RNASET2: variants seen among roughly 807,000 people sequenced by gnomAD.
The protein encoded by RNASET2 is ribonuclease 6.
RNASET2 carries 28 observed loss-of-function variants against 33.9 expected under a neutral mutation model. The ratio of observed to expected loss-of-function variants is 0.83; its 90% CI spans 0.61 to 1.13. The LOEUF is 1.13. Ranked by LOEUF, RNASET2 falls within the 50% of genes most tolerant of loss-of-function variation. The pLI is 0.00. For synonymous variants in RNASET2, 123 were observed against 121.0 expected, an observed-to-expected ratio of 1.02 and a Z score of -0.11; for missense variants, 330 against 319.9, an observed-to-expected ratio of 1.03 and a Z score of -0.24.
In RNASET2 at chr6:166,929,189, T is replaced by C. The variant is rs773754147; in HGVS notation, c.*399A>G. Among the ~76,000 whole-genome samples the C allele has an allele frequency of 2.6e-5, 4 of 152,278 alleles. No homozygotes were observed. The South Asian group carries it at 8.3e-4, about 32-fold the overall frequency. On this transcript the variant is annotated 3_prime_UTR_variant, in exon 9 of 9. Coordinates refer to ENST00000508775, the MANE Select transcript of RNASET2 (RefSeq NM_003730.6). ...CAGGCATCAGCGTGGGCTCCTGCCA[T>C]GCGTGGAGCTCTTCGTCTTGACAGG...
Position 166,955,468 on chromosome 6 carries a change from CAAAA to C in RNASET2, c.86+625_86+628del, listed in dbSNP as rs1253465584. 6 of 986,634 alleles carry C rather than the reference CAAAA, an allele frequency of 6.1e-6. No homozygotes were observed. In the Admixed American group the frequency reaches 2.4e-4, roughly 40 times the overall value. The allele number at this position is 986,634 out of a possible 1,614,324, so 61.1% of individuals were successfully genotyped here. A position where few individuals can be genotyped will look rare whatever the true frequency, so the allele number is the denominator to read the frequency against. On this transcript the variant is annotated intron_variant, in intron 1 of 8. Transcript: ENST00000508775. Reference sequence around the variant, plus strand: ...GGGAAGGGATTCAGAACAGGATACTCAAAAAGAGGAAGAACCGTCGTTTCACCAC... The same window carrying C: ...GGGAAGGGATTCAGAACAGGATACTCAGAGGAAGAACCGTCGTTTCACCAC...
chr6:166,943,859 C>T (rs780014785), intron 4 of RNASET2: 20 of 414,542 alleles, frequency 4.8e-5, no homozygotes, highest in Middle Eastern at 4.3e-4. Flanking sequence ...CGGTGGCTCA[C>T]GCCTGTAATC....
chr6:166,956,410 G>T lies in RNASET2; in HGVS notation c.-228C>A. On this transcript the variant is annotated 5_prime_UTR_variant, in exon 1 of 9. Transcript: ENST00000508775. Reference sequence around the variant, plus strand: ...CGGGAATGGCCGCAGCAGCCCTGGCGACCCGGGCCCCTCGGAGCTCCCCTT... The same window carrying T: ...CGGGAATGGCCGCAGCAGCCCTGGCTACCCGGGCCCCTCGGAGCTCCCCTT... 3.5e-6 allele frequency: 2 copies of T among 572,538 alleles called. No homozygotes were observed. The highest frequency in any genetic ancestry group is 4.1e-5 in the South Asian group (2 of 49,330). The allele number at this position is 572,538 out of a possible 1,614,324, so 35.5% of individuals were successfully genotyped here. A position where few individuals can be genotyped will look rare whatever the true frequency, so the allele number is the denominator to read the frequency against.
rs1778343999 is a variant in RNASET2, at chr6:166,928,615, G to A, written c.*973C>T. Among the ~76,000 whole-genome samples, 1 of 152,214 alleles carries A rather than the reference G, an allele frequency of 6.6e-6. No homozygotes were observed. The highest frequency in any genetic ancestry group is 2.4e-5 in the African/African-American group (1 of 41,460). On this transcript the variant is annotated 3_prime_UTR_variant, in exon 9 of 9. Transcript: ENST00000508775. ...AGACAAACAGAGAAAAGGATTTAAA[G>A]AGAGAAGAGGCCAGGAGACGCGGGA... is the stretch of plus-strand genomic sequence containing the variant.
chr6:166,943,756 T>A, intron 4 of RNASET2: 1 of 470,530 alleles, frequency 2.1e-6, no homozygotes, highest in South Asian at 1.6e-5. Flanking sequence ...TGTTAATGAT[T>A]GGGAGAGTTG....
chr6:166,940,875 C>A (rs1241747589), intron 5 of RNASET2, among the ~76,000 whole-genome samples: 1 of 152,098 alleles, frequency 6.6e-6, no homozygotes, highest in African/African-American at 2.4e-5. Flanking sequence ...CAGGCTCACC[C>A]ACCCACTGTC....
intron 6 of RNASET2, among the ~76,000 whole-genome samples, chr6:166,938,154 T>C (rs918542687): frequency 6.6e-6 from 1 of 152,234 alleles, no homozygotes; most frequent in African/African-American, 2.4e-5. Context: ...ACACAGAGGC[T>C]GTGCAATTGC....
At chr6:166,930,559 CAG>C (rs1239934992) in intron 8 of RNASET2, among the ~76,000 whole-genome samples, 1 of 147,886 alleles carries the variant, frequency 6.8e-6, no homozygotes, top group Non-Finnish European at 1.5e-5. Flanking sequence ...CATGTTCACA[CAG>C]AGAACATGCA....
At chr6:166,932,676 G>A in intron 7 of RNASET2, 1 of 152,210 alleles carries the variant, frequency 6.6e-6, no homozygotes, top group East Asian at 1.9e-4. Context: ...CAAAGGACAG[G>A]ACTCCGAGTA....
rs1358971768 is a variant in RNASET2 at position 166,927,918 on chromosome 6, C to T, written c.*1670G>A. 6.6e-6 allele frequency among the ~76,000 whole-genome samples: 1 copy of T among 152,078 alleles called. No homozygotes were observed. The highest frequency in any genetic ancestry group is 1.5e-5 in the Non-Finnish European group (1 of 68,012). Reference sequence around the variant, plus strand: ...CAGTTCCCGACAGAAACAAATCCTGCCCTGCCAAGCCAACAGAAAAACACT... The same window carrying T: ...CAGTTCCCGACAGAAACAAATCCTGTCCTGCCAAGCCAACAGAAAAACACT... On this transcript the variant is annotated 3_prime_UTR_variant, in exon 9 of 9. Coordinates refer to ENST00000508775, the MANE Select transcript of RNASET2 (RefSeq NM_003730.6).
At chr6:166,938,755 C>G (rs1395529828) in intron 6 of RNASET2, 140 bp downstream of exon 6, 6 of 772,594 alleles carry the variant, frequency 7.8e-6, no homozygotes, top group Non-Finnish European at 1.4e-5. Flanking sequence ...CAGGAATGAT[C>G]CCAGTAGCCG....
chr6:166,945,400 G>C (rs1778809017), intron 4 of RNASET2: 1 of 155,096 alleles, frequency 6.4e-6, no homozygotes, highest in Non-Finnish European at 1.5e-5. Context: ...GAGGAGAGGA[G>C]GAGAGTCTGT....
chr6:166,948,801 C>G lies in RNASET2; in HGVS notation c.148-176G>C, dbSNP rs146227385. Among the ~76,000 whole-genome samples the G allele has an allele frequency of 2.8e-4, 42 of 152,292 alleles. No individual in the cohort carries two copies. The East Asian group carries it at 6.9e-3, about 25-fold the overall frequency. ...CTTCACAATACATTGCTTACAACAA[C>G]ACATCCATGAGGAAGCTACACTAGG... On this transcript the variant is annotated intron_variant, in intron 2 of 8. Coordinates refer to ENST00000508775, the MANE Select transcript of RNASET2 (RefSeq NM_003730.6).
chr6:166,948,371 G>C, intron 3 of RNASET2, 199 bp downstream of exon 3: 1 of 623,678 alleles, frequency 1.6e-6, no homozygotes, highest in Non-Finnish European at 2.9e-6. Context: ...AAGTGTTATT[G>C]TTCTATGAAG....
intron 1 of RNASET2, chr6:166,955,506 G>A: frequency 1.0e-6 from 1 of 986,586 alleles, no homozygotes; most frequent in South Asian, 4.6e-5. Flanking sequence ...ACCCGCCGCA[G>A]TGAAAGCTGA....
At chr6:166,942,481 T>C (rs1269495890) in intron 5 of RNASET2, among the ~76,000 whole-genome samples, 3 of 152,192 alleles carry the variant, frequency 2.0e-5, no homozygotes, top group African/African-American at 4.8e-5. Flanking sequence ...AGAAAATTTG[T>C]ATCTTTATTT....
intron 6 of RNASET2, among the ~76,000 whole-genome samples, chr6:166,937,582 A>G (rs1214487189): frequency 6.6e-6 from 1 of 152,208 alleles, no homozygotes; most frequent in African/African-American, 2.4e-5. Context: ...TACACAAACT[A>G]TATACAAATC....
In RNASET2 at chr6:166,923,684, T is replaced by C. The variant is rs1366382623; in HGVS notation, c.*5904A>G. ...TGCATTTCTCATCATCTGTCAGAGATTTTGCTTCAGATAAGAAAACCCTCA... is the reference window on the plus strand; with the variant it reads ...TGCATTTCTCATCATCTGTCAGAGACTTTGCTTCAGATAAGAAAACCCTCA... On this transcript the variant is annotated 3_prime_UTR_variant, in exon 9 of 9. Transcript: ENST00000508775. 6.6e-6 allele frequency among the ~76,000 whole-genome samples: 1 copy of C among 152,122 alleles called. No homozygotes were observed. The highest frequency in any genetic ancestry group is 2.4e-5 in the African/African-American group (1 of 41,406).
At chr6:166,935,280 ATT>A (rs1359886405) in intron 6 of RNASET2, among the ~76,000 whole-genome samples, 3 of 152,076 alleles carry the variant, frequency 2.0e-5, no homozygotes, top group South Asian at 4.1e-4. Flanking sequence ...CGATGATCCT[ATT>A]TTTGATATAT....
Sources: allele counts gnomAD v4.1 joint callset (sites outside exome capture counted in the v4.1 genomes callset), GRCh38; gene constraint gnomAD v4.1.1; transcripts MANE v1.5; gene names NCBI Gene and HGNC (gene_info 2026-07-23, HGNC 2026-07-21).